QTRT1: variants seen among roughly 807,000 people sequenced by gnomAD.
QTRT1 encodes queuine tRNA-ribosyltransferase catalytic subunit 1.
In QTRT1, 41 loss-of-function variants were observed where a neutral mutation model predicts 44.0. The observed-to-expected ratio is 0.93, with a 90% CI of 0.73 to 1.21. QTRT1 has a LOEUF of 1.21. QTRT1 is among the 50% of genes most tolerant of loss of function. The pLI, the probability that QTRT1 is intolerant of heterozygous loss-of-function variation, is 0.00. For synonymous variants in QTRT1, 226 were observed against 237.1 expected (o/e 0.95, Z 0.43); for missense variants, 542 against 575.8 (o/e 0.94, Z 0.60).
intron 5 of QTRT1, among the ~76,000 whole-genome samples, chr19:10,707,852 C>T (rs903708576): frequency 2.6e-5 from 4 of 151,052 alleles, no homozygotes; most frequent in African/African-American, 7.3e-5. Context: ...TTTTTTGAGA[C>T]GGAGTCTCAG....
At position 10,707,359 on chromosome 19, in the gene QTRT1, G is replaced by A. The variant is rs371833469; in HGVS notation, c.509G>A (p.Arg170His). The A allele has an allele frequency of 1.2e-5, 20 of 1,613,988 alleles. No individual in the cohort carries two copies. The highest frequency in any genetic ancestry group is 1.0e-4 in the Admixed American group (6 of 59,992). ...DVVSSTVTGP[R>H]VEEAMYRSIR... Reference sequence around the variant, plus strand: ...GTTAGCAGTACTGTGACTGGGCCACGTGTGGAGGAGGCCATGTACAGGTGT... The same window carrying A: ...GTTAGCAGTACTGTGACTGGGCCACATGTGGAGGAGGCCATGTACAGGTGT... The change falls in exon 4 of 10, where the codon CGT becomes CAT. Residue 170 changes from arginine (R) to histidine (H), a missense_variant. By Grantham distance (29) the Arg-to-His change is conservative (BLOSUM62 0). Coordinates refer to ENST00000250237, the MANE Select transcript of QTRT1 (RefSeq NM_031209.3).
chr19:10,705,630 G>A (rs1206285772), intron 3 of QTRT1, among the ~76,000 whole-genome samples: 1 of 151,484 alleles, frequency 6.6e-6, no homozygotes, highest in East Asian at 1.9e-4. Flanking sequence ...TTGCTTCCTG[G>A]GTTCAAGCGA....
chr19:10,704,613 G>A (rs935932441), intron 3 of QTRT1, among the ~76,000 whole-genome samples: 1 of 144,602 alleles, frequency 6.9e-6, no homozygotes. Flanking sequence ...TTGAAACCGA[G>A]TTTCGCTCTT....
In QTRT1 at chr19:10,712,056, ACT is replaced by A. The variant is rs892695956; in HGVS notation, c.647-99_647-98del. The A allele has an allele frequency of 1.4e-6, 2 of 1,416,860 alleles. No homozygotes were observed. The highest frequency in any genetic ancestry group is 1.7e-5 in the Admixed American group (1 of 58,806). The allele number at this position is 1,416,860 out of a possible 1,614,324, so 87.8% of individuals were successfully genotyped here. A position where few individuals can be genotyped will look rare whatever the true frequency, so the allele number is the denominator to read the frequency against. The stretch of plus-strand genomic sequence containing the variant: ...CTGTCTGTCTCTGTCTGTTTCTCTG[ACT>A]CTCTCCCTGAGCGACTCTGGAAGTC... On this transcript the variant is annotated intron_variant, in intron 5 of 9. Transcript: ENST00000250237. This position sits in a 1 kb window ranked among gnomAD's most constrained non-coding sequence, Gnocchi z 5.6.
Position 10,702,274 on chromosome 19 carries a change from C to G in QTRT1, c.451+20C>G, listed in dbSNP as rs753970073. On this transcript the variant is annotated intron_variant, in intron 3 of 9. Transcript: ENST00000250237. ...CGCTGGGTGAGAGGACCCTGGGGAG[C>G]CGCCTCCTTACCCTGTCTGTCAGGG... 8.7e-6 allele frequency: 14 copies of G among 1,611,054 alleles called. No homozygotes were observed. In the Admixed American group the frequency reaches 1.8e-4, roughly 21 times the overall value.
In QTRT1 at chr19:10,712,618, C is replaced by A; in HGVS notation, c.851C>A (p.Thr284Lys). 1 of 1,610,626 alleles carries A rather than the reference C, an allele frequency of 6.2e-7. No homozygotes were observed. The highest frequency in any genetic ancestry group is 8.5e-7 in the Non-Finnish European group (1 of 1,179,630). ...GCDMFDCVFP[T>K]RTARFGSALV... is the part of the protein sequence containing the mutation. ...GACATGTTCGACTGCGTCTTCCCCA[C>A]ACGGACAGCGGTGAGGCTCTGGCAG... is the stretch of plus-strand genomic sequence containing the variant. The change falls in exon 7 of 10, where the codon ACA (threonine) becomes AAA (lysine). Residue 284 changes from threonine to lysine, a missense_variant. Coordinates refer to ENST00000250237, the MANE Select transcript of QTRT1 (RefSeq NM_031209.3). The surrounding 1 kb of genome is among the most constrained non-coding windows in gnomAD (Gnocchi z 5.6).
intron 3 of QTRT1, among the ~76,000 whole-genome samples, chr19:10,704,046 C>T (rs1395229201): frequency 6.6e-6 from 1 of 151,714 alleles, no homozygotes; most frequent in Non-Finnish European, 1.5e-5. Context: ...AGGGTTTCGC[C>T]ATGTTGGCCA....
rs2068718701 is a variant in QTRT1 at position 10,707,351 on chromosome 19, T to C, written c.501T>C (p.Thr167=). Residue 167 remains threonine, a synonymous_variant, in exon 4 of 10, where the codon ACT becomes ACC. Transcript: ENST00000250237. ...QLDDVVSSTV[T]GPRVEEAMYR... is the part of the protein sequence containing the mutation. ...ACGACGTGGTTAGCAGTACTGTGAC[T>C]GGGCCACGTGTGGAGGAGGCCATGT... 6.2e-7 allele frequency: 1 copy of C among 1,613,986 alleles called. No homozygotes were observed. The highest frequency in any genetic ancestry group is 1.3e-5 in the African/African-American group (1 of 74,886).
chr19:10,703,490 G>T (rs1339377745), intron 3 of QTRT1, among the ~76,000 whole-genome samples: 1 of 152,116 alleles, frequency 6.6e-6, no homozygotes, highest in African/African-American at 2.4e-5. Flanking sequence ...CATGGCTGAA[G>T]CCCCTATAAC....
chr19:10,711,944 G>T, intron 5 of QTRT1: 1 of 617,168 alleles, frequency 1.6e-6, no homozygotes, highest in South Asian at 1.9e-5. Flanking sequence ...GAGATCAGCA[G>T]TAGTCCCAGC....
chr19:10,712,084 T>G lies in QTRT1; in HGVS notation c.647-77T>G. On this transcript the variant is annotated intron_variant, in intron 5 of 9. Coordinates refer to ENST00000250237, the MANE Select transcript of QTRT1 (RefSeq NM_031209.3). This position sits in a 1 kb window ranked among gnomAD's most constrained non-coding sequence, Gnocchi z 5.6. ...CTCTCCCTGAGCGACTCTGGAAGTC[T>G]GGGCAGGGTGTGTTCTGGGATTGAA... 5.7e-6 allele frequency: 9 copies of G among 1,582,794 alleles called. No homozygotes were observed. Among genetic ancestry groups the G allele is most frequent in the Non-Finnish European group, 7.8e-6 (9 of 1,161,066 alleles).
Position 10,712,039 on chromosome 19 carries a change from CTCTG to C in QTRT1, c.647-116_647-113del, listed in dbSNP as rs1004137337. The C allele has an allele frequency of 5.6e-6, 7 of 1,247,766 alleles. No individual in the cohort carries two copies. The highest frequency in any genetic ancestry group is 4.9e-5 in the South Asian group (4 of 81,962). The allele number at this position is 1,247,766 out of a possible 1,614,324, so 77.3% of individuals were successfully genotyped here. ...TCCGTCTCTGGCTCTGTCTGTCTGT[CTCTG>C]TCTGTTTCTCTGACTCTCTCCCTGA... is the stretch of plus-strand genomic sequence containing the variant. On this transcript the variant is annotated intron_variant, in intron 5 of 9. Transcript: ENST00000250237. The surrounding 1 kb of genome is among the most constrained non-coding windows in gnomAD (Gnocchi z 5.6).
At chr19:10,704,545 C>T (rs948004909) in intron 3 of QTRT1, among the ~76,000 whole-genome samples, 26 of 151,030 alleles carry the variant, frequency 1.7e-4, no homozygotes, top group South Asian at 4.2e-4. Flanking sequence ...TCGCCCATCT[C>T]GGCCTTCCAA....
intron 3 of QTRT1, among the ~76,000 whole-genome samples, chr19:10,706,449 C>T (rs1195217134): frequency 2.0e-5 from 3 of 151,984 alleles, no homozygotes; most frequent in African/African-American, 7.2e-5. Context: ...CTTAGCTCAC[C>T]GCAACCTCCG....
chr19:10,709,941 G>C (rs2068731068), intron 5 of QTRT1, among the ~76,000 whole-genome samples: 1 of 152,014 alleles, frequency 6.6e-6, no homozygotes, highest in Admixed American at 6.6e-5. Flanking sequence ...AACCCGGGAG[G>C]TGGAGGTTAC....
At position 10,702,212 on chromosome 19, in the gene QTRT1, C is replaced by G. The variant is rs2068693251; in HGVS notation, c.409C>G (p.Leu137Val). 1.9e-6 allele frequency: 3 copies of G among 1,614,014 alleles called. No homozygotes were observed. The African/African-American group carries it at 4.0e-5, about 22-fold the overall frequency. Residue 137 changes from leucine to valine, a missense_variant, in exon 3 of 10, where the codon CTG (leucine) becomes GTG (valine). Leu to Val is a conservative substitution (Grantham distance 32). Transcript: ENST00000250237. The part of the protein sequence containing the change: ...FRSPYDGNET[L>V]LSPEKSVQIQ... The stretch of plus-strand genomic sequence containing the variant: ...CTCCCCCTACGACGGCAATGAGACC[C>G]TGCTGAGCCCGGAGAAATCCGTGCA...
Position 10,712,536 on chromosome 19 carries a change from C to T in QTRT1, c.786-17C>T, listed in dbSNP as rs776321082. 3.1e-6 allele frequency: 5 copies of T among 1,612,124 alleles called. No homozygotes were observed. The South Asian group carries it at 5.5e-5, about 18-fold the overall frequency. On this transcript the variant is annotated splice_polypyrimidine_tract_variant and intron_variant, in intron 6 of 9. Coordinates refer to ENST00000250237, the MANE Select transcript of QTRT1 (RefSeq NM_031209.3). The surrounding 1 kb of genome is among the most constrained non-coding windows in gnomAD (Gnocchi z 5.6). ...CCTGAGGTTCTCTGCCCCCTCCCGT[C>T]ATGGCTGCAACCCCAGCTATGCCAC...
chr19:10,701,768 C>T (rs2068690218), intron 1 of QTRT1, 65 bp downstream of exon 1: 2 of 1,555,110 alleles, frequency 1.3e-6, no homozygotes, highest in African/African-American at 2.7e-5. Context: ...CATGGAGCGT[C>T]CTCCAGGCCC....
rs1217094198 is a variant in QTRT1, at chr19:10,712,568, G to A, written c.801G>A (p.Leu267=). ...YLMGVGYATD[L]VVCVALGCDM... ...GCAACCCCAGCTATGCCACTGATCT[G>A]GTAGTCTGCGTGGCTCTTGGATGTG... Residue 267 remains leucine, a synonymous_variant, in exon 7 of 10, where the codon CTG becomes CTA. Transcript: ENST00000250237. The surrounding 1 kb of genome is among the most constrained non-coding windows in gnomAD (Gnocchi z 5.6). The A allele has an allele frequency of 6.2e-7, 1 of 1,613,842 alleles. No homozygotes were observed. Among genetic ancestry groups the A allele is most frequent in the Non-Finnish European group, 8.5e-7 (1 of 1,179,844 alleles).
Sources: allele counts gnomAD v4.1 joint callset (sites outside exome capture counted in the v4.1 genomes callset), GRCh38; gene constraint gnomAD v4.1.1; non-coding constraint Gnocchi (gnomAD v3.1); transcripts MANE v1.5; gene names NCBI Gene and HGNC (gene_info 2026-07-23, HGNC 2026-07-21).